SLC4A10: variants seen among roughly 807,000 people sequenced by gnomAD.
The protein encoded by SLC4A10 is sodium-driven chloride bicarbonate exchanger.
Under a neutral mutation model 137.7 loss-of-function variants are expected in SLC4A10, and 42 were observed. The observed-to-expected ratio is 0.30, with a 90% CI of 0.24 to 0.39. SLC4A10 has a LOEUF of 0.39. Ranked by LOEUF, SLC4A10 falls within the 10% of genes least tolerant of loss-of-function variation. SLC4A10 has a pLI of 1.00. For synonymous variants in SLC4A10, 474 were observed against 464.1 expected, an observed-to-expected ratio of 1.02 and a Z score of -0.27; for missense variants, 925 against 1,355.0, an observed-to-expected ratio of 0.68 and a Z score of 4.98.
chr2:161,674,178 A>G (rs2040038004), intron 1 of SLC4A10, among the ~76,000 whole-genome samples: 1 of 152,194 alleles, frequency 6.6e-6, no homozygotes, highest in African/African-American at 2.4e-5. Context: ...CACTAAAATG[A>G]TATGGAATGT....
At chr2:161,741,299 C>T (rs529571285) in intron 1 of SLC4A10, among the ~76,000 whole-genome samples, 12 of 150,370 alleles carry the variant, frequency 8.0e-5, no homozygotes, top group East Asian at 2.0e-4. Context: ...TACAGTCCTC[C>T]GCTCTACCAA....
intron 6 of SLC4A10, among the ~76,000 whole-genome samples, chr2:161,865,039 GAT>G (rs1294246180): frequency 6.6e-6 from 1 of 152,034 alleles, no homozygotes; most frequent in Non-Finnish European, 1.5e-5. Context: ...AATCAGATAA[GAT>G]ATATGTCTTT....
rs369670130 is a variant in SLC4A10, at chr2:161,960,363, C to CAA, written c.2862+1830_2862+1831dup. The stretch of plus-strand genomic sequence containing the variant: ...TGGGAGGCAGAAAGAGACTCTGTCT[C>CAA]AAAAAAAAAAAAAAAAAAAAAAAGA... On this transcript the variant is annotated intron_variant, in intron 21 of 26. Transcript: ENST00000446997. Among the ~76,000 whole-genome samples the CAA allele has an allele frequency of 8.7e-3, 391 of 45,110 alleles. 6 individuals are homozygous for CAA. The highest frequency in any genetic ancestry group is 0.019 in the African/African-American group (255 of 13,340). The allele number at this position is 45,110 out of a possible 152,430, so 29.6% of individuals were successfully genotyped here.
At chr2:161,645,455 G>A (rs936748053) in intron 1 of SLC4A10, among the ~76,000 whole-genome samples, 2 of 151,870 alleles carry the variant, frequency 1.3e-5, no homozygotes, top group African/African-American at 4.8e-5. Flanking sequence ...AAGACAACAT[G>A]TAATTTTTGT....
intron 3 of SLC4A10, among the ~76,000 whole-genome samples, chr2:161,833,666 C>G (rs372141708): frequency 2.0e-5 from 3 of 152,140 alleles, no homozygotes; most frequent in Admixed American, 6.5e-5. Flanking sequence ...CACCATGTGA[C>G]CCTTGAAACT....
At chr2:161,866,961 G>A (rs1432952765) in intron 6 of SLC4A10, among the ~76,000 whole-genome samples, 1 of 151,650 alleles carries the variant, frequency 6.6e-6, no homozygotes, top group African/African-American at 2.4e-5. Context: ...AACTCTGTTC[G>A]TTTTCCTTCA....
At chr2:161,815,507 C>G (rs937535206) in intron 3 of SLC4A10, among the ~76,000 whole-genome samples, 5 of 152,136 alleles carry the variant, frequency 3.3e-5, no homozygotes, top group Admixed American at 3.3e-4. Flanking sequence ...ATTACCCAGC[C>G]TCAGGGAAGC....
At chr2:161,728,863 A>C (rs2046520682) in intron 1 of SLC4A10, among the ~76,000 whole-genome samples, 4 of 152,216 alleles carry the variant, frequency 2.6e-5, no homozygotes, top group Admixed American at 2.6e-4. Flanking sequence ...TATTGTGACC[A>C]ATTAGGTTTT....
At chr2:161,955,215 T>A (rs984449704) in intron 19 of SLC4A10, among the ~76,000 whole-genome samples, 1 of 152,188 alleles carries the variant, frequency 6.6e-6, no homozygotes, top group Non-Finnish European at 1.5e-5. Flanking sequence ...TCAAACTGCT[T>A]AAGACATTGT....
chr2:161,805,330 CA>C lies in SLC4A10; in HGVS notation c.277+736del, dbSNP rs2055823509. Among the ~76,000 whole-genome samples the C allele has an allele frequency of 2.6e-5, 4 of 152,272 alleles. No individual in the cohort carries two copies. In the South Asian group the frequency reaches 8.3e-4, roughly 32 times the overall value. ...AGGACACAGCCAAACCATATCGTTC[CA>C]CCCTTGGGCCCTCCCAAATCTCATG... is the stretch of plus-strand genomic sequence containing the variant. On this transcript the variant is annotated intron_variant, in intron 3 of 26. Coordinates refer to ENST00000446997, the MANE Select transcript of SLC4A10 (RefSeq NM_001178015.2).
intron 10 of SLC4A10, among the ~76,000 whole-genome samples, chr2:161,882,657 G>A (rs2061889947): frequency 6.6e-6 from 1 of 152,052 alleles, no homozygotes; most frequent in Non-Finnish European, 1.5e-5. Flanking sequence ...AAACTTCATA[G>A]TGTAAAGAAA....
intron 1 of SLC4A10, among the ~76,000 whole-genome samples, chr2:161,744,116 T>G (rs58002324): frequency 2.4e-3 from 365 of 152,294 alleles, no homozygotes; most frequent in African/African-American, 7.9e-3. Context: ...TGGATGGACT[T>G]TATTTCTTTC....
chr2:161,914,926 G>C (rs907294808), intron 15 of SLC4A10, among the ~76,000 whole-genome samples: 1 of 152,044 alleles, frequency 6.6e-6, no homozygotes, highest in South Asian at 2.1e-4. Context: ...CCCCACTTTC[G>C]AGCCAAAAAG....
At chr2:161,790,815 G>T (rs1001894006) in intron 2 of SLC4A10, among the ~76,000 whole-genome samples, 2 of 152,014 alleles carry the variant, frequency 1.3e-5, no homozygotes, top group African/African-American at 4.8e-5. Flanking sequence ...CAAAAGACAC[G>T]AACAGACACT....
At chr2:161,827,168 T>TTAC (rs2058068411) in intron 3 of SLC4A10, among the ~76,000 whole-genome samples, 1 of 152,248 alleles carries the variant, frequency 6.6e-6, no homozygotes, top group East Asian at 1.9e-4. Flanking sequence ...TTAAACCTTA[T>TTAC]TACTTCTCCA....
chr2:161,788,798 C>A (rs1008348694), intron 2 of SLC4A10, among the ~76,000 whole-genome samples: 1 of 152,158 alleles, frequency 6.6e-6, no homozygotes, highest in Non-Finnish European at 1.5e-5. Flanking sequence ...TCCCACCTTT[C>A]ATGCATGCCT....
At chr2:161,859,594 C>CTTTTTTTTTTTTTTTTTT (rs72003642) in intron 5 of SLC4A10, among the ~76,000 whole-genome samples, 1 of 47,286 alleles carries the variant, frequency 2.1e-5, no homozygotes, top group Non-Finnish European at 3.7e-5. Flanking sequence ...CTTTTCTTTT[C>CTTTTTTTTTTTTTTTTTT]TTTTTTTTTT....
chr2:161,781,943 G>A lies in SLC4A10; in HGVS notation c.130+10889G>A, dbSNP rs568783447. On this transcript the variant is annotated intron_variant, in intron 2 of 26. Coordinates refer to ENST00000446997, the MANE Select transcript of SLC4A10 (RefSeq NM_001178015.2). ...GTCTCAGCTCTCAGCTTCTCCCAGA[G>A]GAGGTTTGTGCATCCAATACCCCAA... Among the ~76,000 whole-genome samples the A allele has an allele frequency of 3.3e-5, 5 of 152,186 alleles. No homozygotes were observed. In the South Asian group the frequency reaches 8.3e-4, roughly 25 times the overall value.
chr2:161,761,535 T>A (rs2050252679), intron 1 of SLC4A10, among the ~76,000 whole-genome samples: 1 of 151,912 alleles, frequency 6.6e-6, no homozygotes, highest in African/African-American at 2.4e-5. Flanking sequence ...AGAAGGACCC[T>A]CAAGAACAAG....
Sources: gnomAD v4.1 joint callset for allele counts (sites outside exome capture counted in the v4.1 genomes callset) on GRCh38, gnomAD v4.1.1 for gene constraint, MANE v1.5 for transcripts, NCBI Gene and HGNC (gene_info 2026-07-23, HGNC 2026-07-21) for gene names.